The following SLC44A1 variants were observed in gnomAD, a reference collection of about 807,000 sequenced individuals.
SLC44A1 encodes the protein solute carrier family 44 member 1, also known as choline transporter-like protein 1.
SLC44A1 carries 26 observed loss-of-function variants against 79.3 expected under a neutral mutation model. The ratio of observed to expected loss-of-function variants is 0.33; its 90% CI spans 0.24 to 0.46. The LOEUF is 0.46. Among genes scored for constraint, SLC44A1 ranks in the 20% least tolerant of loss-of-function variants. The pLI is 1.00. For missense variants in SLC44A1, 688 were observed against 798.1 expected, an observed-to-expected ratio of 0.86 and a Z score of 1.66; for synonymous variants, 263 against 286.2, an observed-to-expected ratio of 0.92 and a Z score of 0.82.
chr9:105,370,455 C>T (rs1020418755), intron 12 of SLC44A1, among the ~76,000 whole-genome samples: 14 of 152,056 alleles, frequency 9.2e-5, no homozygotes, highest in African/African-American at 2.9e-4. Flanking sequence ...TCTGGACATT[C>T]GACCCTCACA....
At chr9:105,419,988 T>G (rs181220653) in intron 15 of SLC44A1, among the ~76,000 whole-genome samples, 37 of 151,858 alleles carry the variant, frequency 2.4e-4, no homozygotes, top group Admixed American at 1.5e-3. Context: ...GAGCAAAATC[T>G]GTTGCTTCCT....
At chr9:105,350,426 G>A (rs987939094) in intron 5 of SLC44A1, among the ~76,000 whole-genome samples, 5 of 152,096 alleles carry the variant, frequency 3.3e-5, no homozygotes, top group African/African-American at 1.2e-4. Flanking sequence ...CCAAAGATGA[G>A]TAAGACCTAG....
At chr9:105,304,176 A>G (rs1830955643) in intron 2 of SLC44A1, among the ~76,000 whole-genome samples, 1 of 152,146 alleles carries the variant, frequency 6.6e-6, no homozygotes, top group Non-Finnish European at 1.5e-5. Flanking sequence ...GACCTTTTCT[A>G]TTTTATATAG....
intron 1 of SLC44A1, among the ~76,000 whole-genome samples, chr9:105,249,813 G>A (rs528751924): frequency 6.6e-6 from 1 of 151,360 alleles, no homozygotes; most frequent in African/African-American, 2.4e-5. Flanking sequence ...GGGATTACAG[G>A]CATGAGCCTC....
At chr9:105,430,523 A>G (rs1829379422) in intron 15 of SLC44A1, among the ~76,000 whole-genome samples, 1 of 152,206 alleles carries the variant, frequency 6.6e-6, no homozygotes, top group Non-Finnish European at 1.5e-5. Context: ...GAAATTATAC[A>G]ATATGTAGAA....
intron 3 of SLC44A1, among the ~76,000 whole-genome samples, chr9:105,328,797 A>G (rs949819346): frequency 1.3e-5 from 2 of 152,156 alleles, no homozygotes; most frequent in Non-Finnish European, 2.9e-5. Flanking sequence ...GTTTTAACAA[A>G]TGGCACCTCT....
At position 105,335,584 on chromosome 9, in the gene SLC44A1, A is replaced by C; in HGVS notation, c.291A>C (p.Pro97=). 1 of 1,612,916 alleles carries C rather than the reference A, an allele frequency of 6.2e-7. No homozygotes were observed. The highest frequency in any genetic ancestry group is 1.3e-5 in the African/African-American group (1 of 75,004). Residue 97 remains proline (P), a synonymous_variant, in exon 4 of 16, where the codon CCA becomes CCC. Coordinates refer to ENST00000374720, the MANE Select transcript of SLC44A1 (RefSeq NM_080546.5). Reference sequence around the variant, plus strand: ...TTAGGTATGTATTCTTTTTGGATCCATGCAACCTGGACTTGATAAACCGGA... The same window carrying C: ...TTAGGTATGTATTCTTTTTGGATCCCTGCAACCTGGACTTGATAAACCGGA... The part of the protein sequence containing the change: ...TQRKYVFFLD[P]CNLDLINRKI...
intron 2 of SLC44A1, among the ~76,000 whole-genome samples, chr9:105,308,629 A>G (rs963304389): frequency 3.3e-5 from 5 of 152,176 alleles, no homozygotes; most frequent in Non-Finnish European, 7.4e-5. Context: ...TCTCTGAGGA[A>G]TTGCATATGA....
At position 105,425,809 on chromosome 9, in the gene SLC44A1, C is replaced by A. The variant is rs190721412; in HGVS notation, c.1951-12472C>A. Among the ~76,000 whole-genome samples, 52 of 152,184 alleles carry A rather than the reference C, an allele frequency of 3.4e-4. 1 individual carries two copies. In the East Asian group the frequency reaches 7.7e-3, roughly 23 times the overall value. ...CTGCACTCCAGCCTGGGCGGCAGAG[C>A]AAGACTCTGTCAAAAAACAAACAAA... On this transcript the variant is annotated intron_variant, in intron 15 of 15. Coordinates refer to the SLC44A1 transcript ENST00000374724.
intron 15 of SLC44A1, among the ~76,000 whole-genome samples, chr9:105,423,462 T>A (rs1481779961): frequency 6.6e-6 from 1 of 152,070 alleles, no homozygotes; most frequent in Non-Finnish European, 1.5e-5. Context: ...CGAGGCTCGG[T>A]CTCATAAAAT....
rs540589523 is a variant in SLC44A1 at position 105,320,061 on chromosome 9, G to A, written c.269+10195G>A. 4.6e-5 allele frequency among the ~76,000 whole-genome samples: 7 copies of A among 152,082 alleles called. No homozygotes were observed. The South Asian group carries it at 6.2e-4, about 14-fold the overall frequency. ...CTAGACAACCACTGATCTGCTTTTC[G>A]TAGTATAGTTTTGTTTTTTCTAGAA... On this transcript the variant is annotated intron_variant, in intron 3 of 15. Transcript: ENST00000374720.
chr9:105,283,197 A>G (rs1830399556), intron 1 of SLC44A1, among the ~76,000 whole-genome samples: 1 of 152,182 alleles, frequency 6.6e-6, no homozygotes, highest in South Asian at 2.1e-4. Flanking sequence ...AGGTTGGTTG[A>G]TTGTGGAGAA....
At chr9:105,367,137 T>G (rs1024772207) in intron 12 of SLC44A1, among the ~76,000 whole-genome samples, 1 of 152,158 alleles carries the variant, frequency 6.6e-6, no homozygotes, top group African/African-American at 2.4e-5. Context: ...CTTCTTTTCT[T>G]TATTTTTTTA....
At chr9:105,329,341 T>C (rs1024941453) in intron 3 of SLC44A1, among the ~76,000 whole-genome samples, 4 of 152,202 alleles carry the variant, frequency 2.6e-5, no homozygotes, top group Non-Finnish European at 5.9e-5. Flanking sequence ...GCTTTAGTGC[T>C]GCAGTGCTTC....
chr9:105,258,396 T>C (rs1469639151), intron 1 of SLC44A1, among the ~76,000 whole-genome samples: 1 of 152,254 alleles, frequency 6.6e-6, no homozygotes. Flanking sequence ...TGTGGTAGCC[T>C]CTGGGCTAAG....
At chr9:105,368,106 A>G (rs1412408144) in intron 12 of SLC44A1, among the ~76,000 whole-genome samples, 1 of 152,214 alleles carries the variant, frequency 6.6e-6, no homozygotes, top group Non-Finnish European at 1.5e-5. Context: ...ATATCAAGAT[A>G]GTCGATAAAA....
intron 1 of SLC44A1, among the ~76,000 whole-genome samples, chr9:105,279,535 C>T (rs868713984): frequency 6.6e-6 from 1 of 152,048 alleles, no homozygotes; most frequent in Middle Eastern, 3.2e-3. Context: ...CCAGGATGGT[C>T]TCAATCTCTT....
At position 105,252,306 on chromosome 9, in the gene SLC44A1, CATCTTGGTGCTTAGCTGGTACCA is replaced by C. The variant is rs552450367; in HGVS notation, c.36+7405_36+7427del. 2.0e-3 allele frequency among the ~76,000 whole-genome samples: 302 copies of C among 152,252 alleles called. 3 individuals carry two copies. The highest frequency in any genetic ancestry group is 6.7e-3 in the African/African-American group (279 of 41,536). The stretch of plus-strand genomic sequence containing the variant: ...GGGCCGTGTTTGCTTTGTTTATTGC[CATCTTGGTGCTTAGCTGGTACCA>C]ATACATGGTAGGTACTCATGAAATA... On this transcript the variant is annotated intron_variant, in intron 1 of 15. Coordinates refer to ENST00000374720, the MANE Select transcript of SLC44A1 (RefSeq NM_080546.5).
chr9:105,256,175 C>CGAT (rs1564399058), intron 1 of SLC44A1, among the ~76,000 whole-genome samples: 37 of 151,830 alleles, frequency 2.4e-4, no homozygotes, highest in Non-Finnish European at 1.3e-4. Flanking sequence ...ACCATGCCTG[C>CGAT]TAATTTTTGT....
Sources: gnomAD v4.1 joint callset for allele counts (sites outside exome capture counted in the v4.1 genomes callset) on GRCh38, gnomAD v4.1.1 for gene constraint, MANE v1.5 for transcripts, NCBI Gene and HGNC (gene_info 2026-07-23, HGNC 2026-07-21) for gene names.